The following NDUFAF6 variants were observed in gnomAD, a reference collection of about 807,000 sequenced individuals.
The protein encoded by NDUFAF6 is NADH dehydrogenase (ubiquinone) complex I, assembly factor 6.
In NDUFAF6, 45 loss-of-function variants were observed where a neutral mutation model predicts 40.8. The observed-to-expected ratio is 1.10, with a 90% confidence interval of 0.87 to 1.42. NDUFAF6 has a LOEUF of 1.42. Among genes scored for constraint, NDUFAF6 ranks in the 40% most tolerant of loss-of-function variants. The pLI is 0.00. For missense variants in NDUFAF6, 435 were observed against 418.5 expected, an observed-to-expected ratio of 1.04 and a Z score of -0.34; for synonymous variants, 185 against 155.9, an observed-to-expected ratio of 1.19 and a Z score of -1.39.
intron 9 of NDUFAF6, among the ~76,000 whole-genome samples, chr8:95,070,387 A>G (rs1377665396): frequency 2.6e-5 from 4 of 152,166 alleles, no homozygotes; most frequent in Non-Finnish European, 5.9e-5. Flanking sequence ...ATTTATATAC[A>G]TACTGTGTCA....
At chr8:95,009,744 C>T (rs1212917758) in intron 2 of NDUFAF6, among the ~76,000 whole-genome samples, 2 of 152,082 alleles carry the variant, frequency 1.3e-5, no homozygotes, top group Admixed American at 1.3e-4. Flanking sequence ...GATGTAATTT[C>T]AGCAGAGATC....
upstream of NDUFAF6, among the ~76,000 whole-genome samples, chr8:94,956,103 T>A (rs1823047150): frequency 6.6e-6 from 1 of 152,230 alleles, no homozygotes; most frequent in Non-Finnish European, 1.5e-5. Flanking sequence ...TGACCTCTCT[T>A]AGCCTCCATT....
At chr8:94,937,738 T>C (rs1821132182) in intron 1 of NDUFAF6, among the ~76,000 whole-genome samples, 1 of 152,210 alleles carries the variant, frequency 6.6e-6, no homozygotes, top group African/African-American at 2.4e-5. Context: ...GCTGTAACTA[T>C]GTTTTTAAAC....
chr8:94,920,742 A>T (rs1485871304), intron 1 of NDUFAF6, among the ~76,000 whole-genome samples: 1 of 152,192 alleles, frequency 6.6e-6, no homozygotes, highest in African/African-American at 2.4e-5. Flanking sequence ...TGCTCCTGGA[A>T]AGCTGCACAC....
intron 2 of NDUFAF6, among the ~76,000 whole-genome samples, chr8:94,994,985 G>A (rs1826358253): frequency 6.6e-6 from 1 of 152,128 alleles, no homozygotes; most frequent in African/African-American, 2.4e-5. Flanking sequence ...CCACTTCTGG[G>A]TATATATCCA....
intron 1 of NDUFAF6, among the ~76,000 whole-genome samples, chr8:94,932,539 C>T (rs906449911): frequency 2.6e-5 from 4 of 152,254 alleles, no homozygotes; most frequent in African/African-American, 9.6e-5. Context: ...CACGGTGGCT[C>T]ACGCCTGTAA....
At chr8:95,043,989 A>G (rs951679494) in intron 4 of NDUFAF6, among the ~76,000 whole-genome samples, 4 of 152,260 alleles carry the variant, frequency 2.6e-5, no homozygotes, top group African/African-American at 9.6e-5. Context: ...GAAAGAACTC[A>G]TAGTCTGTTA....
chr8:95,060,578 C>T (rs955870910), downstream of NDUFAF6, among the ~76,000 whole-genome samples: 1 of 152,200 alleles, frequency 6.6e-6, no homozygotes, highest in African/African-American at 2.4e-5. Flanking sequence ...GTGTACTTCG[C>T]ACTTTTATGC....
At chr8:95,022,205 G>A (rs2131700972), upstream of NDUFAF6, among the ~76,000 whole-genome samples, 1 of 151,982 alleles carries the variant, frequency 6.6e-6, no homozygotes, top group East Asian at 1.9e-4. Context: ...CATACATTAG[G>A]TATAAATTTA....
At chr8:95,004,538 T>C (rs1210874557) in intron 2 of NDUFAF6, among the ~76,000 whole-genome samples, 2 of 151,868 alleles carry the variant, frequency 1.3e-5, no homozygotes. Context: ...TTTGTAGAAA[T>C]GGGGTCTTTC....
At chr8:95,023,878 C>T (rs1402233980), upstream of NDUFAF6, among the ~76,000 whole-genome samples, 3 of 151,930 alleles carry the variant, frequency 2.0e-5, no homozygotes, top group African/African-American at 4.8e-5. Context: ...GTAGTCCCAG[C>T]TACTCGGGAG....
At chr8:95,102,430 C>G (rs906842766) in intron 2 of NDUFAF6, among the ~76,000 whole-genome samples, 2 of 152,224 alleles carry the variant, frequency 1.3e-5, no homozygotes, top group African/African-American at 4.8e-5. Flanking sequence ...TGAGATAGAG[C>G]ACCTAAGGAA....
At chr8:94,978,441 C>T (rs151296602) in intron 1 of NDUFAF6, among the ~76,000 whole-genome samples, 1 of 152,254 alleles carries the variant, frequency 6.6e-6, no homozygotes, top group African/African-American at 2.4e-5. Flanking sequence ...ACAGGCCAAG[C>T]ATGGTGGCTC....
At chr8:95,090,247 G>A (rs1224418200) in intron 2 of NDUFAF6, among the ~76,000 whole-genome samples, 1 of 152,092 alleles carries the variant, frequency 6.6e-6, no homozygotes, top group Admixed American at 6.5e-5. Context: ...ATCAAATCAG[G>A]GTTTTCCTCC....
At chr8:95,104,337 A>G (rs2132079288), downstream of NDUFAF6, among the ~76,000 whole-genome samples, 1 of 152,322 alleles carries the variant, frequency 6.6e-6, no homozygotes, top group East Asian at 1.9e-4. Flanking sequence ...GCCAGTTTCA[A>G]ATAGAGCATG....
At chr8:94,959,134 T>G (rs1823339296) in intron 1 of NDUFAF6, among the ~76,000 whole-genome samples, 1 of 152,104 alleles carries the variant, frequency 6.6e-6, no homozygotes, top group African/African-American at 2.4e-5. Context: ...GATCAAGAAG[T>G]ATCCAATGAC....
Position 95,113,044 on chromosome 8 carries a change from G to C in NDUFAF6, n.345-2492G>C, listed in dbSNP as rs112900253. Among the ~76,000 whole-genome samples the C allele has an allele frequency of 4.0e-3, 613 of 152,292 alleles. 1 individual carries two copies. The highest frequency in any genetic ancestry group is 0.014 in the African/African-American group (564 of 41,558). ...TGTATACCAGGGCCTGTGCTGAGTAGACGATCTCTTTGAGACCACCACAGT... is the reference window on the plus strand; with the variant it reads ...TGTATACCAGGGCCTGTGCTGAGTACACGATCTCTTTGAGACCACCACAGT... On this transcript the variant is annotated intron_variant and non_coding_transcript_variant, in intron 4 of 5. Coordinates refer to the NDUFAF6 transcript ENST00000523184.
chr8:95,103,861 C>A (rs911268429), downstream of NDUFAF6, among the ~76,000 whole-genome samples: 2 of 152,136 alleles, frequency 1.3e-5, no homozygotes, highest in East Asian at 3.9e-4. Flanking sequence ...CAATCCCTAG[C>A]TTTTTGTTCT....
upstream of NDUFAF6, among the ~76,000 whole-genome samples, chr8:95,021,173 T>C (rs1827678202): frequency 6.6e-6 from 1 of 152,206 alleles, no homozygotes; most frequent in Non-Finnish European, 1.5e-5. Flanking sequence ...GTAATAAACA[T>C]TGCCCATTTG....
Sources: allele counts gnomAD v4.1 joint callset (sites outside exome capture counted in the v4.1 genomes callset), GRCh38; gene constraint gnomAD v4.1.1; transcripts MANE v1.5; gene names NCBI Gene and HGNC (gene_info 2026-07-23, HGNC 2026-07-21).